Variants in PRIMA1 observed in about 807,000 individuals in gnomAD.
PRIMA1 encodes proline rich membrane anchor 1.
PRIMA1 carries 7 observed loss-of-function variants against 17.5 expected under a neutral mutation model. The ratio of observed to expected loss-of-function variants is 0.40; its 90% CI spans 0.23 to 0.75. PRIMA1 has a LOEUF of 0.75. Among genes scored for constraint, PRIMA1 ranks in the 30% least tolerant of loss-of-function variants. The probability of loss-of-function intolerance (pLI) is 0.37; values close to 1 mark genes in which losing one functional copy is unlikely to be tolerated. For missense variants in PRIMA1, 200 were observed against 201.8 expected, an observed-to-expected ratio of 0.99 and a Z score of 0.05; for synonymous variants, 97 against 77.9, an observed-to-expected ratio of 1.25 and a Z score of -1.29.
Position 93,719,716 on chromosome 14 carries a change from T to G in PRIMA1, c.*1728A>C, listed in dbSNP as rs2076025037. 1 of 152,320 alleles carries G rather than the reference T, an allele frequency of 6.6e-6. No homozygotes were observed. The highest frequency in any genetic ancestry group is 6.5e-5 in the Admixed American group (1 of 15,280). 9.4% of individuals were successfully genotyped at this position (152,320 alleles called of 1,614,324 possible). A position where few individuals can be genotyped will look rare whatever the true frequency, so the allele number is the denominator to read the frequency against. On this transcript the variant is annotated 3_prime_UTR_variant, in exon 5 of 5. Coordinates refer to ENST00000393140, the MANE Select transcript of PRIMA1 (RefSeq NM_178013.4). ...TCCGCACCTCAAGAGCACTGTGAAG[T>G]ACTGGCCAGGTCAGGAGCAGGGGGT...
chr14:93,728,537 C>A (rs1043389544), intron 4 of PRIMA1, among the ~76,000 whole-genome samples: 2 of 152,128 alleles, frequency 1.3e-5, no homozygotes, highest in African/African-American at 2.4e-5. Context: ...CTGGCCGGGG[C>A]AAGGTGTCTG....
intron 3 of PRIMA1, among the ~76,000 whole-genome samples, chr14:93,749,215 CGCATACTT>C (rs2076245732): frequency 6.6e-6 from 1 of 152,114 alleles, no homozygotes; most frequent in African/African-American, 2.4e-5. Flanking sequence ...GCAGAAGGTC[CGCATACTT>C]GCCAGCTTTA....
chr14:93,771,127 T>C (rs950821418), intron 3 of PRIMA1, among the ~76,000 whole-genome samples: 1 of 150,714 alleles, frequency 6.6e-6, no homozygotes, highest in African/African-American at 2.4e-5. Flanking sequence ...TGTATGTGTG[T>C]GCATGTGCAC....
intron 3 of PRIMA1, among the ~76,000 whole-genome samples, chr14:93,775,978 G>C (rs1885208137): frequency 6.6e-6 from 1 of 152,168 alleles, no homozygotes. Context: ...CATGACCCAA[G>C]CTAGTCCAGC....
chr14:93,735,452 C>T (rs2076143532), intron 4 of PRIMA1, among the ~76,000 whole-genome samples: 1 of 152,156 alleles, frequency 6.6e-6, no homozygotes, highest in Non-Finnish European at 1.5e-5. Flanking sequence ...TCCAGCAGGC[C>T]CTCAGCTCAA....
At chr14:93,759,401 C>G (rs1454520649) in intron 3 of PRIMA1, among the ~76,000 whole-genome samples, 1 of 152,060 alleles carries the variant, frequency 6.6e-6, no homozygotes, top group Non-Finnish European at 1.5e-5. Context: ...GACTGAAAAC[C>G]ACTGGTGGGA....
At chr14:93,764,487 C>A (rs566450740) in intron 3 of PRIMA1, among the ~76,000 whole-genome samples, 6 of 152,002 alleles carry the variant, frequency 3.9e-5, no homozygotes, top group Admixed American at 1.3e-4. Flanking sequence ...AAAAACAGAA[C>A]CCTAATCTTC....
At position 93,769,725 on chromosome 14, in the gene PRIMA1, C is replaced by A. The variant is rs111801711; in HGVS notation, c.229+9451G>T. On this transcript the variant is annotated intron_variant, in intron 3 of 4. Transcript: ENST00000393140. ...GGCCTGGACCTCCTCTTTTGTTAGT[C>A]GGAAACTCATCACAACTTGGAGGAA... is the stretch of plus-strand genomic sequence containing the variant. Among the ~76,000 whole-genome samples, 5 of 152,284 alleles carry A rather than the reference C, an allele frequency of 3.3e-5. No homozygotes were observed. The East Asian group carries it at 9.6e-4, about 29-fold the overall frequency.
chr14:93,761,448 C>A (rs1244902785), intron 3 of PRIMA1, among the ~76,000 whole-genome samples: 1 of 152,188 alleles, frequency 6.6e-6, no homozygotes, highest in African/African-American at 2.4e-5. Flanking sequence ...TCATTTACAC[C>A]ACTGTCCCTC....
rs1159907027 is a variant in PRIMA1, at chr14:93,718,621, C to T, written c.*2823G>A. 2 of 129,876 alleles carry T rather than the reference C, an allele frequency of 1.5e-5. No individual in the cohort carries two copies. Among genetic ancestry groups the T allele is most frequent in the Non-Finnish European group, 3.3e-5 (2 of 61,522 alleles). 8.0% of individuals were successfully genotyped at this position (129,876 alleles called of 1,614,324 possible). Reference sequence around the variant, plus strand: ...ATACTTTGTACAGATGCAGAGAGTACAGTAGTTGTATTTATATATATATAT... The same window carrying T: ...ATACTTTGTACAGATGCAGAGAGTATAGTAGTTGTATTTATATATATATAT... On this transcript the variant is annotated 3_prime_UTR_variant, in exon 5 of 5. Coordinates refer to ENST00000393140, the MANE Select transcript of PRIMA1 (RefSeq NM_178013.4).
In PRIMA1 at chr14:93,720,186, C is replaced by T. The variant is rs2076028186; in HGVS notation, c.*1258G>A. On this transcript the variant is annotated 3_prime_UTR_variant, in exon 5 of 5. Coordinates refer to ENST00000393140, the MANE Select transcript of PRIMA1 (RefSeq NM_178013.4). Reference sequence around the variant, plus strand: ...GGCCAGGAGTGTCCCACTCATTTTCCAGGAGATGCAAAATCACCCTGTCTC... The same window carrying T: ...GGCCAGGAGTGTCCCACTCATTTTCTAGGAGATGCAAAATCACCCTGTCTC... 6.6e-6 allele frequency: 1 copy of T among 152,210 alleles called. No individual in the cohort carries two copies. Among genetic ancestry groups the T allele is most frequent in the Admixed American group, 6.5e-5 (1 of 15,286 alleles). 9.4% of individuals were successfully genotyped at this position (152,210 alleles called of 1,614,324 possible).
intron 3 of PRIMA1, among the ~76,000 whole-genome samples, chr14:93,748,287 C>T (rs1231401078): frequency 6.6e-6 from 1 of 151,902 alleles, no homozygotes; most frequent in Non-Finnish European, 1.5e-5. Context: ...GGCCAGATGA[C>T]GAAACTGAGA....
intron 3 of PRIMA1, among the ~76,000 whole-genome samples, chr14:93,771,835 G>A (rs1458908464): frequency 1.3e-5 from 2 of 152,124 alleles, no homozygotes; most frequent in Admixed American, 6.5e-5. Context: ...AAGGAGTGAG[G>A]CCCAGGGAAG....
chr14:93,769,229 A>G (rs1057377203), intron 3 of PRIMA1, among the ~76,000 whole-genome samples: 3 of 152,210 alleles, frequency 2.0e-5, no homozygotes, highest in Non-Finnish European at 4.4e-5. Context: ...CAGTGACGAG[A>G]GATCTCATTT....
rs1411434535 is a variant in PRIMA1, at chr14:93,719,556, A to C, written c.*1888T>G. 1.3e-5 allele frequency: 2 copies of C among 152,790 alleles called. No individual in the cohort carries two copies. The highest frequency in any genetic ancestry group is 2.9e-5 in the Non-Finnish European group (2 of 68,426). The allele number at this position is 152,790 out of a possible 1,614,324, so 9.5% of individuals were successfully genotyped here. ...TAGGGTCCTGCCCAGGGGTCTGCTT[A>C]GGGCACAGCTTGGGGGTTCAACAGG... On this transcript the variant is annotated 3_prime_UTR_variant, in exon 5 of 5. Coordinates refer to ENST00000393140, the MANE Select transcript of PRIMA1 (RefSeq NM_178013.4).
chr14:93,729,482 C>A (rs1397105206), intron 4 of PRIMA1, among the ~76,000 whole-genome samples: 1 of 152,182 alleles, frequency 6.6e-6, no homozygotes, highest in Non-Finnish European at 1.5e-5. Flanking sequence ...CAGGAATGCA[C>A]CAAGATGCAT....
intron 3 of PRIMA1, among the ~76,000 whole-genome samples, chr14:93,759,998 G>A (rs1311992783): frequency 6.6e-6 from 1 of 152,250 alleles, no homozygotes; most frequent in Non-Finnish European, 1.5e-5. Flanking sequence ...GGTCACAGCC[G>A]GTGCTGACAA....
chr14:93,753,545 G>C (rs1299993541), intron 3 of PRIMA1, among the ~76,000 whole-genome samples: 1 of 152,180 alleles, frequency 6.6e-6, no homozygotes, highest in Non-Finnish European at 1.5e-5. Context: ...CTTGGGAGCA[G>C]GGAGCAGGCG....
At position 93,729,836 on chromosome 14, in the gene PRIMA1, G is replaced by A. The variant is rs1430166847; in HGVS notation, c.359+7405C>T. Among the ~76,000 whole-genome samples, 4 of 152,128 alleles carry A rather than the reference G, an allele frequency of 2.6e-5. No individual in the cohort carries two copies. The South Asian group carries it at 6.3e-4, about 24-fold the overall frequency. ...TATTCCGAAGCTTGGAGAGGGGACC[G>A]CTGAGTCAGGGTACATGCGTATGGG... On this transcript the variant is annotated intron_variant, in intron 4 of 4. Transcript: ENST00000393140.
Sources: allele counts gnomAD v4.1 joint callset (sites outside exome capture counted in the v4.1 genomes callset), GRCh38; gene constraint gnomAD v4.1.1; transcripts MANE v1.5; gene names NCBI Gene and HGNC (gene_info 2026-07-23, HGNC 2026-07-21).